Variants in RGS7 observed in about 807,000 individuals in gnomAD.
The protein encoded by RGS7 is regulator of G protein signaling 7.
A neutral mutation model predicts 81.1 loss-of-function variants in RGS7; 27 were observed. That is an observed-to-expected ratio of 0.33 (90% CI 0.25 to 0.46). The LOEUF is 0.46. Among genes scored for constraint, RGS7 ranks in the 20% least tolerant of loss-of-function variants. The pLI, the probability that RGS7 is intolerant of heterozygous loss-of-function variation, is 1.00. For synonymous variants in RGS7, 208 were observed against 207.7 expected (o/e 1.00, Z -0.01); for missense variants, 396 against 607.4 (o/e 0.65, Z 3.66).
intron 6 of RGS7, among the ~76,000 whole-genome samples, chr1:240,870,563 G>A (rs559210933): frequency 6.6e-6 from 1 of 152,130 alleles, no homozygotes; most frequent in East Asian, 1.9e-4. Flanking sequence ...GCCCAGGCTG[G>A]TCTTGAACTC....
intron 2 of RGS7, among the ~76,000 whole-genome samples, chr1:241,203,744 A>T (rs1403191298): frequency 6.6e-6 from 1 of 152,102 alleles, no homozygotes; most frequent in Non-Finnish European, 1.5e-5. Context: ...TAACTCCACA[A>T]CTCAATTTTT....
intron 4 of RGS7, among the ~76,000 whole-genome samples, chr1:240,976,765 A>G (rs1032239119): frequency 3.4e-5 from 5 of 146,778 alleles, no homozygotes; most frequent in African/African-American, 1.2e-4. Flanking sequence ...CTATCTATCT[A>G]TCTATCATCG....
chr1:241,348,984 G>C (rs558013926), intron 2 of RGS7, among the ~76,000 whole-genome samples: 1 of 134,760 alleles, frequency 7.4e-6, no homozygotes, highest in South Asian at 2.7e-4. Context: ...AATAATTTTT[G>C]TTGAAGAATA....
At position 241,271,319 on chromosome 1, in the gene RGS7, T is replaced by TA. The variant is rs1458951077; in HGVS notation, c.78+84379dup. 2.6e-5 allele frequency among the ~76,000 whole-genome samples: 4 copies of TA among 152,210 alleles called. No homozygotes were observed. The highest frequency in any genetic ancestry group is 4.8e-5 in the African/African-American group (2 of 41,444). Reference sequence around the variant, plus strand: ...GAGACTGGTGTCACATGAGGACCAGTAAAAAATCTGTACTGAACTGAAATT... The same window carrying TA: ...GAGACTGGTGTCACATGAGGACCAGTAAAAAAATCTGTACTGAACTGAAATT... On this transcript the variant is annotated intron_variant, in intron 2 of 18. Transcript: ENST00000440928. The surrounding 1 kb of genome is among the most constrained non-coding windows in gnomAD (Gnocchi z 4.6).
chr1:240,930,871 T>G lies in RGS7; in HGVS notation c.334-103A>C, dbSNP rs539705012. 297 of 1,120,220 alleles carry G rather than the reference T, an allele frequency of 2.7e-4. 2 individuals are homozygous for G. The highest frequency in any genetic ancestry group is 1.8e-3 in the South Asian group (145 of 80,388). 69.4% of individuals were successfully genotyped at this position (1,120,220 alleles called of 1,614,324 possible). ...ATCTTCCACAATTCTCTATATTAGT[T>G]TGCTATATGTTTTATAATACAGAAC... On this transcript the variant is annotated intron_variant, in intron 5 of 18. Transcript: ENST00000440928.
intron 9 of RGS7, 55 bp from the exon 10 acceptor site, chr1:240,827,227 C>T: frequency 6.5e-6 from 9 of 1,381,310 alleles, no homozygotes; most frequent in Non-Finnish European, 9.3e-6. Flanking sequence ...AATTTCTGAC[C>T]AGGACAATCA....
intron 18 of RGS7, among the ~76,000 whole-genome samples, chr1:240,794,937 C>A (rs112192342): frequency 0.057 from 8,714 of 152,080 alleles, 349 homozygotes; most frequent in Middle Eastern, 0.13. Context: ...AATCCCAGCA[C>A]TTTGGGAGGC....
chr1:240,789,363 G>T (rs902513596), intron 18 of RGS7, among the ~76,000 whole-genome samples: 2 of 152,138 alleles, frequency 1.3e-5, no homozygotes, highest in African/African-American at 4.8e-5. Flanking sequence ...ATGAAATCTG[G>T]GCACCTTGAG....
chr1:240,947,153 A>G (rs979061439), intron 4 of RGS7, among the ~76,000 whole-genome samples: 10 of 152,194 alleles, frequency 6.6e-5, no homozygotes, highest in Non-Finnish European at 1.3e-4. Flanking sequence ...ATATGGGGCA[A>G]TGGTTATGAG....
chr1:241,029,043 C>T (rs2059935547), intron 3 of RGS7, among the ~76,000 whole-genome samples: 1 of 152,034 alleles, frequency 6.6e-6, no homozygotes, highest in Non-Finnish European at 1.5e-5. Context: ...GAAATCAATA[C>T]GATTGAAGAG....
intron 6 of RGS7, among the ~76,000 whole-genome samples, chr1:240,922,980 TA>T (rs1319409347): frequency 6.6e-6 from 1 of 152,118 alleles, no homozygotes; most frequent in Non-Finnish European, 1.5e-5. Flanking sequence ...GGTGACTGGA[TA>T]AACTATGGTA....
At chr1:241,048,515 T>C (rs1252793807) in intron 3 of RGS7, among the ~76,000 whole-genome samples, 1 of 152,158 alleles carries the variant, frequency 6.6e-6, no homozygotes, top group Non-Finnish European at 1.5e-5. Context: ...ACTGTGACTA[T>C]AGTTTTACTA....
chr1:240,838,867 C>T (rs893043184), intron 9 of RGS7, among the ~76,000 whole-genome samples: 3 of 151,890 alleles, frequency 2.0e-5, no homozygotes, highest in African/African-American at 7.3e-5. Context: ...CCTAGGTTCA[C>T]GCCATTCTCC....
chr1:240,803,674 A>T (rs1043533849), intron 15 of RGS7, among the ~76,000 whole-genome samples: 3 of 151,964 alleles, frequency 2.0e-5, no homozygotes, highest in Non-Finnish European at 2.9e-5. Context: ...AGTCAAAAAA[A>T]AAAAAGGAAA....
intron 3 of RGS7, among the ~76,000 whole-genome samples, chr1:240,993,214 AAAGG>A (rs1353342506): frequency 6.6e-6 from 1 of 150,826 alleles, no homozygotes; most frequent in Non-Finnish European, 1.5e-5. Context: ...GAGAGAAAAG[AAAGG>A]AAGGAAGGAA....
intron 4 of RGS7, among the ~76,000 whole-genome samples, chr1:240,975,878 A>G (rs762892586): frequency 6.6e-6 from 1 of 152,254 alleles, no homozygotes; most frequent in Non-Finnish European, 1.5e-5. Flanking sequence ...GTTGCCAGTA[A>G]TGGCCCCAAT....
intron 2 of RGS7, among the ~76,000 whole-genome samples, chr1:241,145,867 T>G (rs1439280859): frequency 6.6e-6 from 1 of 152,368 alleles, no homozygotes; most frequent in East Asian, 1.9e-4. Flanking sequence ...AACTCATAGT[T>G]TCCTTGAATA....
chr1:241,048,741 C>A lies in RGS7; in HGVS notation c.175+49925G>T, dbSNP rs569587017. 3.3e-5 allele frequency among the ~76,000 whole-genome samples: 5 copies of A among 152,314 alleles called. No individual in the cohort carries two copies. The South Asian group carries it at 1.0e-3, about 32-fold the overall frequency. ...GTTTCCCTGGTCTTTTCATCCCATT[C>A]TTATGCATCATATGAGCTTTCTAGG... On this transcript the variant is annotated intron_variant, in intron 3 of 18. Coordinates refer to ENST00000440928, the MANE Select transcript of RGS7 (RefSeq NM_001364886.1).
At chr1:241,254,987 G>A (rs1226998799) in intron 2 of RGS7, among the ~76,000 whole-genome samples, 28 of 152,170 alleles carry the variant, frequency 1.8e-4, no homozygotes, top group Admixed American at 1.8e-3. Flanking sequence ...TCTACAGATG[G>A]AGAAACATAG....
Sources: allele counts gnomAD v4.1 joint callset (sites outside exome capture counted in the v4.1 genomes callset), GRCh38; gene constraint gnomAD v4.1.1; non-coding constraint Gnocchi (gnomAD v3.1); transcripts MANE v1.5; gene names NCBI Gene and HGNC (gene_info 2026-07-23, HGNC 2026-07-21).